CLEC19A: variants seen among roughly 807,000 people sequenced by gnomAD.
CLEC19A encodes C-type lectin domain containing 19A.
CLEC19A carries 21 observed loss-of-function variants against 26.1 expected under a neutral mutation model. That is an observed-to-expected ratio of 0.80 (90% confidence interval 0.57 to 1.16). The LOEUF (loss-of-function observed/expected upper bound fraction) is 1.16. Ranked by LOEUF, CLEC19A falls within the 50% of genes most tolerant of loss-of-function variation. The pLI is 0.00. For synonymous variants in CLEC19A, 89 were observed against 88.6 expected, an observed-to-expected ratio of 1.00 and a Z score of -0.03; for missense variants, 224 against 227.6, an observed-to-expected ratio of 0.98 and a Z score of 0.10.
At chr16:19,306,820 G>T (rs1192822115) in intron 3 of CLEC19A, among the ~76,000 whole-genome samples, 1 of 152,134 alleles carries the variant, frequency 6.6e-6, no homozygotes, top group Non-Finnish European at 1.5e-5. Flanking sequence ...GGGTGAACAT[G>T]GGACCTCAAG....
intron 4 of CLEC19A, 121 bp from the exon 5 acceptor site, chr16:19,308,883 A>G: frequency 1.4e-6 from 1 of 709,456 alleles, no homozygotes; most frequent in Non-Finnish European, 2.4e-6. Flanking sequence ...TCAGCAAGAA[A>G]GGGCTGCCAG....
chr16:19,298,257 A>AT (rs1370929013), intron 1 of CLEC19A, among the ~76,000 whole-genome samples: 3 of 151,100 alleles, frequency 2.0e-5, no homozygotes, highest in African/African-American at 7.3e-5. Context: ...AAAAAAAAAA[A>AT]AAGTATGTAC....
chr16:19,292,471 T>G (rs371842871), intron 1 of CLEC19A, among the ~76,000 whole-genome samples: 1 of 152,240 alleles, frequency 6.6e-6, no homozygotes, highest in African/African-American at 2.4e-5. Context: ...GCATGAGTTA[T>G]GCACACAGCC....
At position 19,308,975 on chromosome 16, in the gene CLEC19A, C is replaced by T. The variant is rs755364626; in HGVS notation, c.482-29C>T. ...TTTTATCTTGGCGGATGGATTTTCA[C>T]CCAGATTCTCTGCTTCTTTCCATCA... On this transcript the variant is annotated intron_variant, in intron 4 of 4. Transcript: ENST00000636231. The T allele has an allele frequency of 7.0e-5, 108 of 1,539,900 alleles. No homozygotes were observed. The South Asian group carries it at 7.4e-4, about 11-fold the overall frequency.
At chr16:19,305,826 G>T (rs179223) in intron 3 of CLEC19A, among the ~76,000 whole-genome samples, 10,331 of 151,910 alleles carry the variant, frequency 0.068, 486 homozygotes, top group East Asian at 0.27. Context: ...GTTTTTTTGG[G>T]TTTTTTTGCT....
chr16:19,286,089 G>A (rs1436628636), intron 1 of CLEC19A, 150 bp downstream of exon 1: 1 of 739,638 alleles, frequency 1.4e-6, no homozygotes, highest in African/African-American at 1.7e-5. Flanking sequence ...GCTTTGTCAT[G>A]GGCACTCTTC....
intron 2 of CLEC19A, among the ~76,000 whole-genome samples, chr16:19,302,764 G>A (rs919478620): frequency 1.4e-4 from 21 of 152,230 alleles, no homozygotes; most frequent in African/African-American, 3.4e-4. Flanking sequence ...TTTCAGGCTC[G>A]TTGATATGGG....
At chr16:19,293,954 G>A (rs1231500913) in intron 1 of CLEC19A, among the ~76,000 whole-genome samples, 3 of 151,610 alleles carry the variant, frequency 2.0e-5, no homozygotes, top group African/African-American at 7.3e-5. Flanking sequence ...ATAAAGTATT[G>A]TTGACTGTAG....
At chr16:19,290,055 T>C (rs1435479911) in intron 1 of CLEC19A, among the ~76,000 whole-genome samples, 2 of 151,534 alleles carry the variant, frequency 1.3e-5, no homozygotes, top group Admixed American at 6.6e-5. Flanking sequence ...AGTGCATTTG[T>C]GGGCGGCTGG....
chr16:19,304,007 C>A, intron 2 of CLEC19A, 55 bp from the exon 3 acceptor site: 1 of 1,407,528 alleles, frequency 7.1e-7, no homozygotes, highest in Non-Finnish European at 9.7e-7. Context: ...TTTTTGACTC[C>A]ATCCTATGAA....
At chr16:19,293,344 C>A (rs1022895065) in intron 1 of CLEC19A, among the ~76,000 whole-genome samples, 6 of 152,172 alleles carry the variant, frequency 3.9e-5, no homozygotes, top group Admixed American at 6.5e-5. Context: ...TTTAGGTAAT[C>A]ATGTTGTAGC....
intron 1 of CLEC19A, among the ~76,000 whole-genome samples, chr16:19,290,526 G>A (rs1011972965): frequency 5.3e-5 from 8 of 152,318 alleles, no homozygotes; most frequent in African/African-American, 1.9e-4. Flanking sequence ...CCGGGTCTCA[G>A]TTGAGACAGC....
intron 2 of CLEC19A, among the ~76,000 whole-genome samples, chr16:19,301,762 T>TTTC (rs1897838655): frequency 7.2e-6 from 1 of 138,608 alleles, no homozygotes; most frequent in African/African-American, 2.8e-5. Flanking sequence ...TTTTTTTTTT[T>TTTC]TTGTATTTTT....
intron 1 of CLEC19A, among the ~76,000 whole-genome samples, chr16:19,296,756 C>T (rs972442551): frequency 6.6e-6 from 1 of 152,202 alleles, no homozygotes; most frequent in Non-Finnish European, 1.5e-5. Flanking sequence ...ATGCTGTTCA[C>T]TACTTTATTA....
chr16:19,304,637 G>T (rs964487984), intron 3 of CLEC19A, among the ~76,000 whole-genome samples: 6 of 151,964 alleles, frequency 3.9e-5, no homozygotes, highest in Non-Finnish European at 8.8e-5. Flanking sequence ...GGAGGCAGAG[G>T]TTGCAGTGAG....
At chr16:19,306,226 A>G (rs1227083260) in intron 3 of CLEC19A, among the ~76,000 whole-genome samples, 1 of 151,614 alleles carries the variant, frequency 6.6e-6, no homozygotes, top group Non-Finnish European at 1.5e-5. Context: ...GCTCACCGCA[A>G]CCTTGAACTC....
rs1898037175 is a variant in CLEC19A, at chr16:19,309,977, G to A, written c.*894G>A. 1 of 151,974 alleles carries A rather than the reference G, an allele frequency of 6.6e-6. No individual in the cohort carries two copies. Among genetic ancestry groups the A allele is most frequent in the African/African-American group, 2.4e-5 (1 of 41,374 alleles). 9.4% of individuals were successfully genotyped at this position (151,974 alleles called of 1,614,324 possible). ...ATCTTAAATATTCCCGTCAACACAT[G>A]GGCTCAAAGATGAGGCTGGTTCTTC... On this transcript the variant is annotated 3_prime_UTR_variant, in exon 5 of 5. Transcript: ENST00000636231.
chr16:19,293,056 C>G (rs1368163279), intron 1 of CLEC19A, among the ~76,000 whole-genome samples: 1 of 152,114 alleles, frequency 6.6e-6, no homozygotes, highest in Non-Finnish European at 1.5e-5. Flanking sequence ...GAAGAAAGAA[C>G]AGACTGAATT....
intron 3 of CLEC19A, chr16:19,304,393 T>C: frequency 9.5e-6 from 2 of 210,634 alleles, no homozygotes; most frequent in Non-Finnish European, 8.3e-6. Flanking sequence ...GCTTGGGTTC[T>C]CTTAAAAAAA....
Sources: allele counts gnomAD v4.1 joint callset (sites outside exome capture counted in the v4.1 genomes callset), GRCh38; gene constraint gnomAD v4.1.1; transcripts MANE v1.5; gene names NCBI Gene and HGNC (gene_info 2026-07-23, HGNC 2026-07-21).